Variants in SH3GL2 observed in about 807,000 individuals in gnomAD.
SH3GL2 encodes the protein SH3 domain containing GRB2 like 2, endophilin A1.
In SH3GL2, 24 loss-of-function variants were observed where a neutral mutation model predicts 46.0. That is an observed-to-expected ratio of 0.52 (90% CI 0.38 to 0.73). The LOEUF is 0.73. Ranked by LOEUF, SH3GL2 falls within the 30% of genes least tolerant of loss-of-function variation. The pLI is 0.00. For missense variants in SH3GL2, 413 were observed against 424.2 expected, an observed-to-expected ratio of 0.97 and a Z score of 0.23; for synonymous variants, 196 against 147.1, an observed-to-expected ratio of 1.33 and a Z score of -2.40.
chr9:17,766,431 C>T (rs1473577782), intron 3 of SH3GL2, among the ~76,000 whole-genome samples: 1 of 152,142 alleles, frequency 6.6e-6, no homozygotes, highest in Non-Finnish European at 1.5e-5. Context: ...TATTTGTGAG[C>T]AAAAATCACT....
chr9:17,733,652 T>C (rs1822244438), intron 1 of SH3GL2, among the ~76,000 whole-genome samples: 1 of 151,836 alleles, frequency 6.6e-6, no homozygotes, highest in Admixed American at 6.6e-5. Flanking sequence ...ATCATGCTGT[T>C]ATAAAGACAC....
chr9:17,666,578 G>A (rs10963193), intron 1 of SH3GL2, among the ~76,000 whole-genome samples: 2,901 of 148,120 alleles, frequency 0.02, 41 homozygotes, highest in Admixed American at 0.042. Flanking sequence ...GTGTGTGTGT[G>A]TATATACATT....
In SH3GL2 at chr9:17,640,470, T is replaced by G. The variant is rs185283324; in HGVS notation, c.45+61183T>G. 8.0e-3 allele frequency among the ~76,000 whole-genome samples: 1,224 copies of G among 152,282 alleles called. 6 individuals are homozygous for G. The highest frequency in any genetic ancestry group is 0.02 in the Middle Eastern group (6 of 294). The stretch of plus-strand genomic sequence containing the variant: ...GGTTTATGGGACACATTTTTTTTGT[T>G]TTGAATCAAAGAGCTTGTCATAATA... On this transcript the variant is annotated intron_variant, in intron 1 of 8. Coordinates refer to ENST00000380607, the MANE Select transcript of SH3GL2 (RefSeq NM_003026.5).
chr9:17,741,433 G>A (rs1822526314), intron 1 of SH3GL2, among the ~76,000 whole-genome samples: 1 of 152,152 alleles, frequency 6.6e-6, no homozygotes, highest in Non-Finnish European at 1.5e-5. Context: ...GTGGATGAAT[G>A]CAGAATAGTT....
At chr9:17,609,598 C>T (rs1384331550) in intron 1 of SH3GL2, among the ~76,000 whole-genome samples, 1 of 152,170 alleles carries the variant, frequency 6.6e-6, no homozygotes, top group Non-Finnish European at 1.5e-5. Flanking sequence ...TTTAACAAAA[C>T]ATCTCTGGGT....
chr9:17,706,079 TG>T (rs1821466614), intron 1 of SH3GL2, among the ~76,000 whole-genome samples: 2 of 152,008 alleles, frequency 1.3e-5, no homozygotes, highest in Non-Finnish European at 2.9e-5. Flanking sequence ...ATCAAAGTAA[TG>T]TCGATATATC....
intron 1 of SH3GL2, among the ~76,000 whole-genome samples, chr9:17,612,619 A>AT (rs1349055906): frequency 6.6e-6 from 1 of 152,130 alleles, no homozygotes; most frequent in African/African-American, 2.4e-5. Flanking sequence ...TGTGTATGTA[A>AT]TTGTGGGAGT....
intron 6 of SH3GL2, 199 bp downstream of exon 6, chr9:17,789,749 T>G (rs1465514611): frequency 7.4e-7 from 1 of 1,354,282 alleles, no homozygotes; most frequent in African/African-American, 1.5e-5. Context: ...ATTCCTGTAG[T>G]TTAACTAGAT....
intron 1 of SH3GL2, among the ~76,000 whole-genome samples, chr9:17,644,961 T>C (rs2134651740): frequency 7.0e-6 from 1 of 142,772 alleles, no homozygotes; most frequent in Non-Finnish European, 1.6e-5. Flanking sequence ...GGAGCCTAAG[T>C]TTCTTTGTAG....
intron 1 of SH3GL2, among the ~76,000 whole-genome samples, chr9:17,663,558 G>C (rs892157029): frequency 6.6e-6 from 1 of 152,144 alleles, no homozygotes; most frequent in African/African-American, 2.4e-5. Flanking sequence ...TGACCACTCA[G>C]GGTTCTGAAA....
At chr9:17,695,829 G>T (rs1821189093) in intron 1 of SH3GL2, among the ~76,000 whole-genome samples, 1 of 149,976 alleles carries the variant, frequency 6.7e-6, no homozygotes, top group African/African-American at 2.5e-5. Context: ...TCTGAAATTG[G>T]AGGATGGTAT....
intron 1 of SH3GL2, among the ~76,000 whole-genome samples, chr9:17,666,686 G>C (rs1820352994): frequency 6.6e-6 from 1 of 151,804 alleles, no homozygotes. Context: ...CTTGTTTCCA[G>C]TAGTTTGCGA....
chr9:17,657,137 T>C (rs1030623988), intron 1 of SH3GL2, among the ~76,000 whole-genome samples: 1 of 152,218 alleles, frequency 6.6e-6, no homozygotes, highest in Non-Finnish European at 1.5e-5. Flanking sequence ...TCATACACAC[T>C]GAATTACTTC....
chr9:17,710,823 T>C lies in SH3GL2; in HGVS notation c.46-36243T>C, dbSNP rs374503603. Reference sequence around the variant, plus strand: ...GTGTGATAATAATAGTACAGCTCTCTCCTCTTATCTGCAAGGGGTATGTTC... The same window carrying C: ...GTGTGATAATAATAGTACAGCTCTCCCCTCTTATCTGCAAGGGGTATGTTC... On this transcript the variant is annotated intron_variant, in intron 1 of 8. Coordinates refer to ENST00000380607, the MANE Select transcript of SH3GL2 (RefSeq NM_003026.5). Among the ~76,000 whole-genome samples the C allele has an allele frequency of 2.0e-5, 3 of 152,058 alleles. No homozygotes were observed. The South Asian group carries it at 6.2e-4, about 32-fold the overall frequency.
chr9:17,730,546 A>T (rs1822149658), intron 1 of SH3GL2, among the ~76,000 whole-genome samples: 2 of 152,150 alleles, frequency 1.3e-5, no homozygotes, highest in African/African-American at 4.8e-5. Flanking sequence ...CGGTTTTCAA[A>T]GTGAATGCTG....
rs537111922 is a variant in SH3GL2 at position 17,737,702 on chromosome 9, C to T, written c.46-9364C>T. Among the ~76,000 whole-genome samples the T allele has an allele frequency of 8.1e-4, 123 of 152,150 alleles. 1 individual carries two copies. In the South Asian group the frequency reaches 0.014, roughly 17 times the overall value. On this transcript the variant is annotated intron_variant, in intron 1 of 8. Coordinates refer to ENST00000380607, the MANE Select transcript of SH3GL2 (RefSeq NM_003026.5). Reference sequence around the variant, plus strand: ...TCTGTTTTTTGGTTTTGGTCGTTTTCGTTGGTTCTTTCCCTGCCTCGTCTT... The same window carrying T: ...TCTGTTTTTTGGTTTTGGTCGTTTTTGTTGGTTCTTTCCCTGCCTCGTCTT...
At chr9:17,699,637 C>A (rs1304625398) in intron 1 of SH3GL2, among the ~76,000 whole-genome samples, 2 of 152,208 alleles carry the variant, frequency 1.3e-5, no homozygotes, top group Non-Finnish European at 2.9e-5. Context: ...CTTGGCTGTC[C>A]AGTAGTGCTT....
intron 1 of SH3GL2, among the ~76,000 whole-genome samples, chr9:17,731,270 C>T (rs988218605): frequency 1.3e-5 from 2 of 151,956 alleles, no homozygotes; most frequent in Non-Finnish European, 2.9e-5. Flanking sequence ...TACGTTGAAG[C>T]CCTAACCCCT....
chr9:17,663,376 C>G (rs1324413331), intron 1 of SH3GL2, among the ~76,000 whole-genome samples: 1 of 152,010 alleles, frequency 6.6e-6, no homozygotes, highest in Admixed American at 6.6e-5. Flanking sequence ...GTCTGCTTTC[C>G]TCCTATTAAA....
Sources: gnomAD v4.1 joint callset for allele counts (sites outside exome capture counted in the v4.1 genomes callset) on GRCh38, gnomAD v4.1.1 for gene constraint, MANE v1.5 for transcripts, NCBI Gene and HGNC (gene_info 2026-07-23, HGNC 2026-07-21) for gene names.